Variants in STK39 observed in about 807,000 individuals in gnomAD.
STK39 encodes STE20/SPS1-related proline-alanine-rich protein kinase.
STK39 carries 20 observed loss-of-function variants against 77.8 expected under a neutral mutation model. The ratio of observed to expected loss-of-function variants is 0.26; its 90% CI spans 0.18 to 0.37. The LOEUF (loss-of-function observed/expected upper bound fraction) is 0.37. Ranked by LOEUF, STK39 falls within the 10% of genes least tolerant of loss-of-function variation. STK39 has a pLI of 1.00. For synonymous variants in STK39, 246 were observed against 234.1 expected (o/e 1.05, Z -0.47); for missense variants, 479 against 656.5 (o/e 0.73, Z 2.95).
intron 10 of STK39, among the ~76,000 whole-genome samples, chr2:168,076,736 A>T (rs889489499): frequency 6.6e-6 from 1 of 152,052 alleles, no homozygotes; most frequent in Non-Finnish European, 1.5e-5. Flanking sequence ...TTTTCTTTTT[A>T]ACTAATTTAT....
intron 1 of STK39, among the ~76,000 whole-genome samples, chr2:168,217,536 A>T (rs1016090106): frequency 2.0e-5 from 3 of 152,228 alleles, no homozygotes; most frequent in African/African-American, 7.2e-5. Context: ...AAAAGAAAAA[A>T]GATATACAGT....
intron 16 of STK39, among the ~76,000 whole-genome samples, chr2:167,981,434 A>G (rs183936897): frequency 8.3e-4 from 127 of 152,368 alleles, no homozygotes; most frequent in African/African-American, 2.8e-3. Flanking sequence ...TGGATCAAGT[A>G]TAAGAAAACT....
At chr2:167,994,857 G>A (rs558536577) in intron 16 of STK39, among the ~76,000 whole-genome samples, 2 of 152,116 alleles carry the variant, frequency 1.3e-5, no homozygotes, top group Admixed American at 1.3e-4. Flanking sequence ...CTCTGGATGG[G>A]CCCCAACAAA....
chr2:168,017,362 A>G (rs567532255), intron 14 of STK39, among the ~76,000 whole-genome samples: 77 of 150,362 alleles, frequency 5.1e-4, no homozygotes, highest in Non-Finnish European at 8.6e-4. Flanking sequence ...AATCTGCACT[A>G]AACAGGAAAC....
chr2:168,095,736 C>T (rs536582932), intron 10 of STK39, among the ~76,000 whole-genome samples: 16 of 149,466 alleles, frequency 1.1e-4, no homozygotes, highest in Non-Finnish European at 2.4e-4. Flanking sequence ...ACGCCATTAT[C>T]CTGCTTCAGC....
intron 14 of STK39, among the ~76,000 whole-genome samples, chr2:168,021,954 G>A (rs1260058689): frequency 6.6e-6 from 1 of 152,092 alleles, no homozygotes; most frequent in Non-Finnish European, 1.5e-5. Context: ...TACTTCTTGA[G>A]ATGTTTTATG....
chr2:168,229,242 G>A (rs891831458), intron 1 of STK39, among the ~76,000 whole-genome samples: 2 of 152,020 alleles, frequency 1.3e-5, no homozygotes, highest in African/African-American at 4.8e-5. Context: ...AAATTAGCCA[G>A]GTGTAGTGGC....
chr2:167,999,898 G>A (rs1683952333), intron 16 of STK39, among the ~76,000 whole-genome samples: 1 of 152,220 alleles, frequency 6.6e-6, no homozygotes, highest in Non-Finnish European at 1.5e-5. Context: ...CATAGGTAGT[G>A]CCCTGTGACC....
In STK39 at chr2:168,000,167, G is replaced by A. The variant is rs1006025977; in HGVS notation, c.1498+12467C>T. 2.6e-5 allele frequency among the ~76,000 whole-genome samples: 4 copies of A among 152,170 alleles called. No individual in the cohort carries two copies. The South Asian group carries it at 8.3e-4, about 32-fold the overall frequency. ...GAATTGCATGGATATTTCAGATTAT[G>A]CCTATAAGATTAAACTTACATTTAA... On this transcript the variant is annotated intron_variant, in intron 16 of 17. Coordinates refer to ENST00000355999, the MANE Select transcript of STK39 (RefSeq NM_013233.3).
At chr2:168,035,038 G>A (rs539712899) in intron 14 of STK39, among the ~76,000 whole-genome samples, 9 of 152,254 alleles carry the variant, frequency 5.9e-5, no homozygotes, top group South Asian at 2.1e-4. Flanking sequence ...CTGCCAAACC[G>A]CCATGTATTT....
rs987414605 is a variant in STK39, at chr2:167,954,035, C to T, written c.*1461G>A. 1 of 152,638 alleles carries T rather than the reference C, an allele frequency of 6.6e-6. No homozygotes were observed. Among genetic ancestry groups the T allele is most frequent in the African/African-American group, 2.4e-5 (1 of 41,458 alleles). The allele number at this position is 152,638 out of a possible 1,614,324, so 9.5% of individuals were successfully genotyped here. On this transcript the variant is annotated 3_prime_UTR_variant, in exon 18 of 18. Transcript: ENST00000355999. ...TGCAAAACAATCTCATTGTGCAATACACTTTTATTTTCCTTTTACCTTTGC... is the reference window on the plus strand; with the variant it reads ...TGCAAAACAATCTCATTGTGCAATATACTTTTATTTTCCTTTTACCTTTGC...
At chr2:168,016,804 T>A (rs116036969) in intron 15 of STK39, among the ~76,000 whole-genome samples, 1 of 152,224 alleles carries the variant, frequency 6.6e-6, no homozygotes, top group African/African-American at 2.4e-5. Context: ...TGAGCTAATA[T>A]ATCTAACTTA....
intron 1 of STK39, among the ~76,000 whole-genome samples, chr2:168,195,734 T>C (rs899106110): frequency 1.3e-5 from 2 of 152,206 alleles, no homozygotes; most frequent in Non-Finnish European, 2.9e-5. Flanking sequence ...CCACCACTAT[T>C]GGCTGCGCGA....
At chr2:168,067,117 G>T (rs1272892346) in intron 12 of STK39, among the ~76,000 whole-genome samples, 1 of 152,214 alleles carries the variant, frequency 6.6e-6, no homozygotes, top group African/African-American at 2.4e-5. Context: ...AGCTACTTGA[G>T]AGGCTGAGGC....
intron 16 of STK39, among the ~76,000 whole-genome samples, chr2:167,985,665 G>A (rs1016410335): frequency 2.0e-5 from 3 of 152,064 alleles, no homozygotes; most frequent in African/African-American, 7.2e-5. Context: ...TATTTTAGGG[G>A]AAAAGTGGCC....
chr2:168,114,221 T>C lies in STK39; in HGVS notation c.1089+15320A>G, dbSNP rs138466056. On this transcript the variant is annotated intron_variant, in intron 10 of 17. Transcript: ENST00000355999. ...GCATGAGGTTGTAGCTGTTGGGTTA[T>C]TGTGCTCTACAGAGACAGGAAGGAA... Among the ~76,000 whole-genome samples, 183 of 152,354 alleles carry C rather than the reference T, an allele frequency of 1.2e-3. 1 individual carries two copies. The highest frequency in any genetic ancestry group is 4.0e-3 in the African/African-American group (168 of 41,590).
At chr2:168,091,913 T>C (rs974870946) in intron 10 of STK39, among the ~76,000 whole-genome samples, 23 of 152,208 alleles carry the variant, frequency 1.5e-4, no homozygotes, top group African/African-American at 4.8e-4. Context: ...ATGATCACAA[T>C]ATCATTTTCC....
chr2:168,055,395 C>T (rs554401092), intron 14 of STK39, among the ~76,000 whole-genome samples: 32 of 152,266 alleles, frequency 2.1e-4, no homozygotes, highest in South Asian at 2.1e-4. Context: ...CTTTTAATAA[C>T]GAAACCAAAA....
chr2:167,988,567 T>G (rs1357172774), intron 16 of STK39, among the ~76,000 whole-genome samples: 1 of 152,104 alleles, frequency 6.6e-6, no homozygotes, highest in African/African-American at 2.4e-5. Context: ...AGGATTATTT[T>G]GTTGTGGATG....
Sources: allele counts gnomAD v4.1 joint callset (sites outside exome capture counted in the v4.1 genomes callset), GRCh38; gene constraint gnomAD v4.1.1; transcripts MANE v1.5; gene names NCBI Gene and HGNC (gene_info 2026-07-23, HGNC 2026-07-21).